KRAS: variants seen among roughly 807,000 people sequenced by gnomAD.
KRAS encodes KRas proto-oncogene, GTPase, also known as GTPase KRas.
In KRAS, 1 loss-of-function variant was observed where a neutral mutation model predicts 21.0. The observed-to-expected ratio is 0.05, with a 90% CI of 0.02 to 0.23. The LOEUF (loss-of-function observed/expected upper bound fraction) is 0.23, where lower values mean the gene tolerates loss of function less well. Among genes scored for constraint, KRAS ranks in the 10% least tolerant of loss-of-function variants. The pLI is 1.00. For missense variants in KRAS, 107 were observed against 221.8 expected (o/e 0.48, Z 3.29); for synonymous variants, 67 against 72.5 (o/e 0.92, Z 0.39).
chr12:25,243,084 A>C (rs1427851415), intron 2 of KRAS, among the ~76,000 whole-genome samples: 3 of 152,198 alleles, frequency 2.0e-5, no homozygotes, highest in Non-Finnish European at 4.4e-5. Context: ...TCTCTGACCC[A>C]CACGGATTGG....
chr12:25,229,895 A>AG (rs1823909588), intron 2 of KRAS, among the ~76,000 whole-genome samples: 1 of 151,278 alleles, frequency 6.6e-6, no homozygotes, highest in Admixed American at 6.6e-5. Context: ...CAGCCTCTTG[A>AG]GTAGCTGGGA....
At chr12:25,246,131 G>A (rs1372412537) in intron 1 of KRAS, among the ~76,000 whole-genome samples, 1 of 121,950 alleles carries the variant, frequency 8.2e-6, no homozygotes, top group Non-Finnish European at 1.6e-5. Flanking sequence ...CCTGGCGATA[G>A]AGCAAGACTC....
intron 4 of KRAS, chr12:25,225,052 T>C (rs1951373219): frequency 6.6e-6 from 1 of 151,934 alleles, no homozygotes; most frequent in African/African-American, 2.4e-5. Context: ...ATTCAGGTTC[T>C]CTCTGGCAAT....
intron 2 of KRAS, among the ~76,000 whole-genome samples, chr12:25,240,302 G>C (rs1198673795): frequency 6.6e-6 from 1 of 152,186 alleles, no homozygotes; most frequent in Admixed American, 6.5e-5. Context: ...TAATTAGCAT[G>C]ATTGCCTAGA....
At chr12:25,227,813 A>G (rs536491903) in intron 2 of KRAS, among the ~76,000 whole-genome samples, 25 of 152,244 alleles carry the variant, frequency 1.6e-4, no homozygotes, top group Non-Finnish European at 2.5e-4. Context: ...AGTTAAACAC[A>G]GAATTACCAT....
At position 25,208,484 on chromosome 12, in the gene KRAS, A is replaced by G. The variant is rs1951166131; in HGVS notation, c.*1311T>C. The G allele has an allele frequency of 4.3e-6, 1 of 233,360 alleles. No individual in the cohort carries two copies. The highest frequency in any genetic ancestry group is 5.6e-5 in the Admixed American group (1 of 17,798). 14.5% of individuals were successfully genotyped at this position (233,360 alleles called of 1,614,324 possible). A position where few individuals can be genotyped will look rare whatever the true frequency, so the allele number is the denominator to read the frequency against. Reference sequence around the variant, plus strand: ...GAACTAGCCAAACCTAGAGATTGTAAAACTTTTTCACTTCATTGTTTAAAA... The same window carrying G: ...GAACTAGCCAAACCTAGAGATTGTAGAACTTTTTCACTTCATTGTTTAAAA... On this transcript the variant is annotated 3_prime_UTR_variant, in exon 5 of 5. Transcript: ENST00000311936.
intron 4 of KRAS, among the ~76,000 whole-genome samples, chr12:25,212,311 C>T (rs1951207387): frequency 6.6e-6 from 1 of 152,178 alleles, no homozygotes; most frequent in Admixed American, 6.5e-5. Context: ...GTGATGGACA[C>T]AGAGAAGACA....
chr12:25,207,556 T>C lies in KRAS; in HGVS notation c.*2239A>G, dbSNP rs886049189. 3 of 224,456 alleles carry C rather than the reference T, an allele frequency of 1.3e-5. No individual in the cohort carries two copies. Among genetic ancestry groups the C allele is most frequent in the Admixed American group, 5.7e-5 (1 of 17,454 alleles). 13.9% of individuals were successfully genotyped at this position (224,456 alleles called of 1,614,324 possible). On this transcript the variant is annotated 3_prime_UTR_variant, in exon 5 of 5. Transcript: ENST00000311936. Reference sequence around the variant, plus strand: ...GCTTCATGAATTAAAGTATTTTTCATTGCATGAAGATTTCTGGTTACTAAA... The same window carrying C: ...GCTTCATGAATTAAAGTATTTTTCACTGCATGAAGATTTCTGGTTACTAAA...
chr12:25,213,697 G>A (rs1280884095), intron 4 of KRAS, among the ~76,000 whole-genome samples: 1 of 152,164 alleles, frequency 6.6e-6, no homozygotes, highest in Non-Finnish European at 1.5e-5. Flanking sequence ...ACACCAACTT[G>A]TAATAAATAT....
chr12:25,238,704 G>T (rs1432463545), intron 2 of KRAS, among the ~76,000 whole-genome samples: 1 of 152,104 alleles, frequency 6.6e-6, no homozygotes, highest in Non-Finnish European at 1.5e-5. Flanking sequence ...TTACATAATG[G>T]ACATTTTTGA....
chr12:25,241,139 G>C (rs1047442291), intron 2 of KRAS, among the ~76,000 whole-genome samples: 1 of 151,996 alleles, frequency 6.6e-6, no homozygotes, highest in Non-Finnish European at 1.5e-5. Flanking sequence ...ATACTGCCTC[G>C]TTTCCTTTCT....
intron 2 of KRAS, among the ~76,000 whole-genome samples, chr12:25,242,808 A>T (rs913879012): frequency 1.3e-5 from 2 of 152,156 alleles, no homozygotes; most frequent in Non-Finnish European, 2.9e-5. Flanking sequence ...TGCAAATTCT[A>T]CTTAACTTGG....
chr12:25,227,446 A>G (rs1951408368), intron 2 of KRAS, 34 bp from the exon 3 acceptor site: 2 of 1,602,714 alleles, frequency 1.2e-6, no homozygotes, highest in Non-Finnish European at 1.7e-6. Context: ...GGATTATTAC[A>G]GTGCACCTTT....
chr12:25,248,739 A>C (rs1038213654), intron 1 of KRAS, among the ~76,000 whole-genome samples: 2 of 152,164 alleles, frequency 1.3e-5, no homozygotes, highest in Admixed American at 1.3e-4. Flanking sequence ...ACCGAGAGTT[A>C]GAAAAGCTAG....
At chr12:25,246,331 G>A (rs1305088954) in intron 1 of KRAS, among the ~76,000 whole-genome samples, 3 of 152,190 alleles carry the variant, frequency 2.0e-5, no homozygotes, top group Admixed American at 2.0e-4. Context: ...GCCAAGGCGG[G>A]TGGATCACCT....
intron 4 of KRAS, among the ~76,000 whole-genome samples, chr12:25,216,140 G>C (rs1461847955): frequency 6.6e-6 from 1 of 152,148 alleles, no homozygotes; most frequent in African/African-American, 2.4e-5. Flanking sequence ...TACAAGTGAA[G>C]CTGAGACTGG....
chr12:25,232,360 A>G (rs1000946551), intron 2 of KRAS, among the ~76,000 whole-genome samples: 1 of 152,220 alleles, frequency 6.6e-6, no homozygotes. Flanking sequence ...GGCCCTTTAT[A>G]GAAAAGTTTG....
At chr12:25,239,879 G>A (rs1436899591) in intron 2 of KRAS, among the ~76,000 whole-genome samples, 2 of 152,088 alleles carry the variant, frequency 1.3e-5, no homozygotes, top group Non-Finnish European at 2.9e-5. Context: ...CTGGAACCCA[G>A]GAGGTGGAGG....
In KRAS at chr12:25,208,911, T is replaced by G. The variant is rs1001551577; in HGVS notation, c.*884A>C. On this transcript the variant is annotated 3_prime_UTR_variant, in exon 5 of 5. Coordinates refer to ENST00000311936, the MANE Select transcript of KRAS (RefSeq NM_004985.5). Reference sequence around the variant, plus strand: ...AAAGACTCAAGTTGAAGAAAAGATTTAAAGTTATACTATGAAAGAGCAGTC... The same window carrying G: ...AAAGACTCAAGTTGAAGAAAAGATTGAAAGTTATACTATGAAAGAGCAGTC... 10 of 261,506 alleles carry G rather than the reference T, an allele frequency of 3.8e-5. No individual in the cohort carries two copies. The highest frequency in any genetic ancestry group is 7.3e-5 in the Non-Finnish European group (10 of 137,820). The allele number at this position is 261,506 out of a possible 1,614,324, so 16.2% of individuals were successfully genotyped here. A position where few individuals can be genotyped will look rare whatever the true frequency, so the allele number is the denominator to read the frequency against.
Sources: allele counts gnomAD v4.1 joint callset (sites outside exome capture counted in the v4.1 genomes callset), GRCh38; gene constraint gnomAD v4.1.1; transcripts MANE v1.5; gene names NCBI Gene and HGNC (gene_info 2026-07-23, HGNC 2026-07-21).